NALF1: variants seen among roughly 807,000 people sequenced by gnomAD.
NALF1 encodes the protein family with sequence similarity 155 member A.
In NALF1, 3 loss-of-function variants were observed where a neutral mutation model predicts 48.4. That is an observed-to-expected ratio of 0.06 (90% CI 0.03 to 0.16). NALF1 has a LOEUF of 0.16. NALF1 is among the 10% of genes least tolerant of loss of function. The pLI is 1.00. For synonymous variants in NALF1, 262 were observed against 245.7 expected (o/e 1.07, Z -0.62); for missense variants, 526 against 571.5 (o/e 0.92, Z 0.81).
chr13:107,611,467 T>C (rs757002541), intron 1 of NALF1, among the ~76,000 whole-genome samples: 1 of 147,828 alleles, frequency 6.8e-6, no homozygotes, highest in Non-Finnish European at 1.5e-5. Context: ...AAAGCAAATG[T>C]GGCACATAAA....
At chr13:107,693,329 AGGGGGGGC>A (rs1233147315) in intron 1 of NALF1, among the ~76,000 whole-genome samples, 7 of 68,002 alleles carry the variant, frequency 1.0e-4, no homozygotes, top group Non-Finnish European at 1.9e-4. Flanking sequence ...GTCGTAGGGT[AGGGGGGGC>A]GGGAGGGATA....
At chr13:107,171,390 GA>G (rs1291152890) in intron 2 of NALF1, among the ~76,000 whole-genome samples, 1 of 152,138 alleles carries the variant, frequency 6.6e-6, no homozygotes, top group Non-Finnish European at 1.5e-5. Flanking sequence ...GCTTTCTACA[GA>G]AGTCTGCCTC....
intron 2 of NALF1, among the ~76,000 whole-genome samples, chr13:107,197,913 GC>G (rs1230222935): frequency 1.3e-5 from 2 of 152,148 alleles, no homozygotes; most frequent in African/African-American, 2.4e-5. Context: ...AAGGATTAAG[GC>G]TGAGAATTTG....
chr13:107,617,557 C>T lies in NALF1; in HGVS notation c.915+248125G>A, dbSNP rs78994727. Reference sequence around the variant, plus strand: ...AAAATAAAAAATATCTGACCACCACCGCAGTGAATGGTGAAGGACCCATGA... The same window carrying T: ...AAAATAAAAAATATCTGACCACCACTGCAGTGAATGGTGAAGGACCCATGA... On this transcript the variant is annotated intron_variant, in intron 1 of 2. Transcript: ENST00000375915. Among the ~76,000 whole-genome samples, 32 of 152,164 alleles carry T rather than the reference C, an allele frequency of 2.1e-4. No individual in the cohort carries two copies. In the East Asian group the frequency reaches 4.6e-3, roughly 22 times the overall value.
chr13:107,431,963 T>G (rs986087386), intron 1 of NALF1, among the ~76,000 whole-genome samples: 1 of 152,164 alleles, frequency 6.6e-6, no homozygotes. Context: ...TTTATCAATA[T>G]ATTTTCTGTC....
chr13:107,403,788 G>GT (rs1290019110), intron 1 of NALF1, among the ~76,000 whole-genome samples: 1 of 151,708 alleles, frequency 6.6e-6, no homozygotes, highest in Non-Finnish European at 1.5e-5. Context: ...TTTAGCTTTA[G>GT]TTTTTTATCT....
chr13:107,417,766 A>G (rs926611186), intron 1 of NALF1, among the ~76,000 whole-genome samples: 3 of 152,142 alleles, frequency 2.0e-5, no homozygotes, highest in African/African-American at 7.2e-5. Flanking sequence ...TTATATTCAA[A>G]AATACATGGG....
chr13:107,652,229 C>T (rs1880466203), intron 1 of NALF1, among the ~76,000 whole-genome samples: 1 of 152,042 alleles, frequency 6.6e-6, no homozygotes, highest in Admixed American at 6.5e-5. Context: ...AACTCTGTCC[C>T]ATTTAAATTT....
intron 1 of NALF1, among the ~76,000 whole-genome samples, chr13:107,487,495 C>A (rs1329334739): frequency 6.6e-6 from 1 of 152,126 alleles, no homozygotes; most frequent in African/African-American, 2.4e-5. Flanking sequence ...TTATGCCATG[C>A]ACAAGACCTG....
chr13:107,612,328 C>T (rs930812097), intron 1 of NALF1, among the ~76,000 whole-genome samples: 3 of 152,050 alleles, frequency 2.0e-5, no homozygotes, highest in Admixed American at 6.6e-5. Context: ...AAGACAAAAA[C>T]GTTCTAGAGA....
chr13:107,801,422 T>C (rs1878608385), intron 1 of NALF1, among the ~76,000 whole-genome samples: 1 of 152,176 alleles, frequency 6.6e-6, no homozygotes, highest in Admixed American at 6.6e-5. Context: ...GAGCAATTAC[T>C]AAAGGAGGCT....
Position 107,606,725 on chromosome 13 carries a change from T to G in NALF1, c.915+258957A>C, listed in dbSNP as rs189797501. ...TATTTGTTGACAAATTAAAAAAAAA[T>G]TACACTGTAAACTTAATGCAAAATT... On this transcript the variant is annotated intron_variant, in intron 1 of 2. Transcript: ENST00000375915. Among the ~76,000 whole-genome samples the G allele has an allele frequency of 1.3e-3, 191 of 152,248 alleles. 2 individuals are homozygous for G. Among genetic ancestry groups the G allele is most frequent in the African/African-American group, 3.9e-3 (163 of 41,544 alleles).
rs549782585 is a variant in NALF1, at chr13:107,242,532, C to T, written c.916-31777G>A. ...TTCCACTGGTAAATTACAGCCCTTA[C>T]ATAATATTTGAATAAGTTATGAATG... On this transcript the variant is annotated intron_variant, in intron 1 of 2. Transcript: ENST00000375915. Among the ~76,000 whole-genome samples the T allele has an allele frequency of 7.0e-4, 106 of 152,310 alleles. 1 individual carries two copies. Among genetic ancestry groups the T allele is most frequent in the Non-Finnish European group, 1.2e-3 (84 of 68,022 alleles).
intron 1 of NALF1, among the ~76,000 whole-genome samples, chr13:107,712,730 C>T (rs1875641292): frequency 6.6e-6 from 1 of 152,188 alleles, no homozygotes; most frequent in Non-Finnish European, 1.5e-5. Context: ...AGTGAAATGT[C>T]ACGCAGTGTG....
intron 1 of NALF1, among the ~76,000 whole-genome samples, chr13:107,347,448 C>T (rs1231438729): frequency 1.3e-5 from 2 of 152,164 alleles, no homozygotes; most frequent in African/African-American, 4.8e-5. Flanking sequence ...ACCAGCCATG[C>T]TTTGAGTTAT....
chr13:107,774,222 A>G (rs1359570708), intron 1 of NALF1, among the ~76,000 whole-genome samples: 3 of 152,198 alleles, frequency 2.0e-5, no homozygotes, highest in Non-Finnish European at 4.4e-5. Context: ...ATTTAGGTGC[A>G]TAGGTGTGTT....
chr13:107,556,254 CCTCT>C (rs530335957), intron 1 of NALF1, among the ~76,000 whole-genome samples: 4,109 of 144,118 alleles, frequency 0.029, 190 homozygotes, highest in African/African-American at 0.1. Context: ...ATGTGCCTCT[CCTCT>C]CTCTCTCTCT....
chr13:107,861,762 G>A (rs1012947423), intron 1 of NALF1, among the ~76,000 whole-genome samples: 6 of 152,190 alleles, frequency 3.9e-5, no homozygotes, highest in African/African-American at 7.2e-5. Flanking sequence ...CAGCCTGGGC[G>A]ACAGAGTGAG....
At chr13:107,583,977 A>G (rs1878382364) in intron 1 of NALF1, among the ~76,000 whole-genome samples, 1 of 152,100 alleles carries the variant, frequency 6.6e-6, no homozygotes, top group South Asian at 2.1e-4. Flanking sequence ...AATACCCTTT[A>G]TCTTTCATAA....
Sources: allele counts gnomAD v4.1 joint callset (sites outside exome capture counted in the v4.1 genomes callset), GRCh38; gene constraint gnomAD v4.1.1; transcripts MANE v1.5; gene names NCBI Gene and HGNC (gene_info 2026-07-23, HGNC 2026-07-21).